The following OR1J2 variants were observed in gnomAD, a reference collection of about 807,000 sequenced individuals.
OR1J2 encodes olfactory receptor family 1 subfamily J member 2, also known as olfactory receptor 1J2.
For synonymous variants in OR1J2, 142 were observed against 99.7 expected (o/e 1.42, Z -2.52); for missense variants, 304 against 246.1 (o/e 1.24, Z -1.57).
upstream of OR1J2, among the ~76,000 whole-genome samples, chr9:122,509,047 C>G (rs1229360952): frequency 6.6e-6 from 1 of 152,206 alleles, no homozygotes; most frequent in African/African-American, 2.4e-5. Flanking sequence ...TCTTCTATGT[C>G]TTCTTCCACA....
At chr9:122,486,448 T>A in the OR1J2 span, among the ~76,000 whole-genome samples, 1 of 152,184 alleles carries the variant, frequency 6.6e-6, no homozygotes, top group East Asian at 1.9e-4. Flanking sequence ...TAGGACAATA[T>A]TTGCTGCCTG....
At chr9:122,479,822 T>A in the OR1J2 span, among the ~76,000 whole-genome samples, 1 of 152,220 alleles carries the variant, frequency 6.6e-6, no homozygotes, top group East Asian at 1.9e-4. Context: ...TAATGCATAC[T>A]CTATATAAAT....
chr9:122,484,224 C>T, the OR1J2 span, among the ~76,000 whole-genome samples: 5 of 151,904 alleles, frequency 3.3e-5, no homozygotes, highest in Non-Finnish European at 5.9e-5. Flanking sequence ...TGCGGTGGTG[C>T]GATCTCGGCT....
downstream of OR1J2, chr9:122,511,797 A>T (rs902196902): frequency 3.9e-6 from 3 of 765,218 alleles, no homozygotes; most frequent in African/African-American, 5.2e-5. Context: ...CATGTATTTG[A>T]TTTTCCATTT....
chr9:122,574,520 G>C, the OR1J2 span, among the ~76,000 whole-genome samples: 2 of 151,994 alleles, frequency 1.3e-5, no homozygotes, highest in East Asian at 3.8e-4. Flanking sequence ...AGAGAACAAT[G>C]GCTTTTGTAT....
chr9:122,462,418 A>C, the OR1J2 span, among the ~76,000 whole-genome samples: 5 of 152,202 alleles, frequency 3.3e-5, no homozygotes, highest in African/African-American at 1.2e-4. Context: ...TTTACATTCA[A>C]CATTAGTATT....
the OR1J2 span, among the ~76,000 whole-genome samples, chr9:122,538,336 T>G: frequency 6.6e-6 from 1 of 152,220 alleles, no homozygotes; most frequent in African/African-American, 2.4e-5. Flanking sequence ...TAGAAGTCTT[T>G]CACTTCCTTG....
At chr9:122,511,789 T>C (rs1305090408), downstream of OR1J2, 5 of 771,534 alleles carry the variant, frequency 6.5e-6, no homozygotes, top group African/African-American at 1.7e-5. Flanking sequence ...GTTTATCTCA[T>C]GTATTTGATT....
At chr9:122,477,272 C>T in the OR1J2 span, 1 of 1,614,002 alleles carries the variant, frequency 6.2e-7, no homozygotes, top group African/African-American at 1.3e-5. Context: ...CCAATGTGAC[C>T]ATAAGAAACC....
the OR1J2 span, among the ~76,000 whole-genome samples, chr9:122,551,225 T>C: frequency 6.6e-6 from 1 of 152,150 alleles, no homozygotes; most frequent in East Asian, 1.9e-4. Context: ...ACAATGATAC[T>C]AGAACAAAGC....
At chr9:122,462,645 G>T in the OR1J2 span, among the ~76,000 whole-genome samples, 1 of 152,108 alleles carries the variant, frequency 6.6e-6, no homozygotes, top group East Asian at 1.9e-4. Flanking sequence ...GCATTTGTTT[G>T]TTTGAAAAAG....
At chr9:122,471,555 T>C in the OR1J2 span, 2 of 152,192 alleles carry the variant, frequency 1.3e-5, no homozygotes, top group African/African-American at 4.8e-5. Context: ...TCACTTCCAA[T>C]GGAGACAAAA....
chr9:122,537,222 G>T, the OR1J2 span, among the ~76,000 whole-genome samples: 1 of 152,214 alleles, frequency 6.6e-6, no homozygotes, highest in African/African-American at 2.4e-5. Flanking sequence ...TGCATGCACC[G>T]GTGGTCAGAG....
chr9:122,526,925 G>C, the OR1J2 span: 1 of 1,614,140 alleles, frequency 6.2e-7, no homozygotes, highest in African/African-American at 1.3e-5. Flanking sequence ...GGTGGCAAAT[G>C]GCCACATAGC....
the OR1J2 span, among the ~76,000 whole-genome samples, chr9:122,572,034 G>A: frequency 6.6e-6 from 1 of 152,192 alleles, no homozygotes; most frequent in Admixed American, 6.5e-5. Context: ...CATGGTGGAA[G>A]GCAAAGCCGG....
the OR1J2 span, among the ~76,000 whole-genome samples, chr9:122,489,476 T>A: frequency 6.6e-6 from 1 of 151,986 alleles, no homozygotes; most frequent in Non-Finnish European, 1.5e-5. Flanking sequence ...TTCATGAAGC[T>A]TCGGTGCTAG....
At chr9:122,508,466 CTTATTAAAGGAAATT>C (rs1828571157), upstream of OR1J2, among the ~76,000 whole-genome samples, 1 of 152,070 alleles carries the variant, frequency 6.6e-6, no homozygotes, top group South Asian at 2.1e-4. Context: ...TCTGCCTTTT[CTTATTAAAGGAAATT>C]TTATTAAAGG....
the OR1J2 span, chr9:122,477,042 T>C: frequency 1.9e-6 from 3 of 1,614,098 alleles, no homozygotes; most frequent in Non-Finnish European, 2.5e-6. Context: ...CCTTAATGTC[T>C]TTATTTCTCA....
the OR1J2 span, among the ~76,000 whole-genome samples, chr9:122,536,357 C>A: frequency 6.6e-6 from 1 of 152,184 alleles, no homozygotes; most frequent in Admixed American, 6.5e-5. Context: ...TCTTATGCTT[C>A]TGGTTAATGA....
Sources: allele counts gnomAD v4.1 joint callset (sites outside exome capture counted in the v4.1 genomes callset), GRCh38; gene constraint gnomAD v4.1.1; transcripts MANE v1.5; gene names NCBI Gene and HGNC (gene_info 2026-07-23, HGNC 2026-07-21).